The following ALS2 variants were observed in gnomAD, a reference collection of about 807,000 sequenced individuals.
ALS2 encodes the protein alsin.
In ALS2, 117 loss-of-function variants were observed where a neutral mutation model predicts 203.4. The observed-to-expected ratio is 0.58, with a 90% CI of 0.50 to 0.67. The LOEUF is 0.67. Ranked by LOEUF, ALS2 falls within the 30% of genes least tolerant of loss-of-function variation. The pLI, the probability that ALS2 is intolerant of heterozygous loss-of-function variation, is 0.00. For synonymous variants in ALS2, 718 were observed against 725.9 expected (o/e 0.99, Z 0.17); for missense variants, 1,715 against 1,989.4 (o/e 0.86, Z 2.62).
At position 201,704,534 on chromosome 2, in the gene ALS2, G is replaced by A; in HGVS notation, c.4758C>T (p.Val1586=). 1 of 1,614,116 alleles carries A rather than the reference G, an allele frequency of 6.2e-7. No individual in the cohort carries two copies. The part of the protein sequence containing the change: ...QQTFEEISQS[V]LASLHEDFLW... ...AGAAGTCTTCGTGGAGTGACGCCAGGACACTCTGAGAGATCTCCTCAAAAG... is the reference window on the plus strand; with the variant it reads ...AGAAGTCTTCGTGGAGTGACGCCAGAACACTCTGAGAGATCTCCTCAAAAG... Residue 1586 remains valine, a synonymous_variant, in exon 32 of 34, where the codon GTC becomes GTT. Coordinates refer to ENST00000264276, the MANE Select transcript of ALS2 (RefSeq NM_020919.4).
intron 8 of ALS2, among the ~76,000 whole-genome samples, chr2:201,747,462 CT>C (rs35304479): frequency 0.45 from 60,368 of 133,562 alleles, 14,556 homozygotes; most frequent in Admixed American, 0.56. Flanking sequence ...CACTCGGTCG[CT>C]TTTTTTTTTT....
chr2:201,730,473 A>G (rs1038208012), intron 13 of ALS2, among the ~76,000 whole-genome samples: 2 of 152,224 alleles, frequency 1.3e-5, no homozygotes, highest in Non-Finnish European at 2.9e-5. Flanking sequence ...CATCTCTAAC[A>G]TTCTAATTTT....
At chr2:201,716,841 TAA>T (rs1256149311) in intron 24 of ALS2, 2 of 152,254 alleles carry the variant, frequency 1.3e-5, no homozygotes, top group East Asian at 3.9e-4. Context: ...TACTGGGTTC[TAA>T]AAGACTCTAA....
chr2:201,754,630 T>C lies in ALS2; in HGVS notation c.1513A>G (p.Arg505Gly). The stretch of plus-strand genomic sequence containing the variant: ...TATGTGGGGGTCAGAACCACTGTCC[T>C]CGTTTTCACCCGTGCAGCCTTTCTT... ...LLRKAARVKT[R>G]TVVLTPTYSG... The change falls in exon 6 of 34, where the codon AGG becomes GGG. Residue 505 changes from arginine to glycine, a missense_variant. This residue lies in a region of ALS2 where 1,227 missense variants were observed against 1,413.5 expected (regional missense o/e 0.87). Transcript: ENST00000264276. 2.5e-6 allele frequency: 4 copies of C among 1,614,166 alleles called. No individual in the cohort carries two copies. The highest frequency in any genetic ancestry group is 3.4e-6 in the Non-Finnish European group (4 of 1,180,022).
chr2:201,778,578 T>C (rs986140393), intron 1 of ALS2: 4 of 152,230 alleles, frequency 2.6e-5, no homozygotes, highest in Admixed American at 2.0e-4. Context: ...CCAGAGATTG[T>C]TGCTATTTTA....
intron 5 of ALS2, among the ~76,000 whole-genome samples, chr2:201,756,725 A>G (rs1305360108): frequency 6.6e-6 from 1 of 152,242 alleles, no homozygotes; most frequent in Non-Finnish European, 1.5e-5. Context: ...AGTCTGCCAA[A>G]TCCTGGTCTC....
chr2:201,777,595 T>G (rs1328471775), intron 1 of ALS2, among the ~76,000 whole-genome samples: 1 of 152,184 alleles, frequency 6.6e-6, no homozygotes, highest in Non-Finnish European at 1.5e-5. Flanking sequence ...TATTTTCATA[T>G]TGGCTTCAGC....
chr2:201,724,137 G>C (rs896320418), intron 21 of ALS2, among the ~76,000 whole-genome samples, 158 bp downstream of exon 21: 2 of 151,766 alleles, frequency 1.3e-5, no homozygotes, highest in African/African-American at 2.4e-5. Flanking sequence ...TAAATAAAAG[G>C]GTTTGTCATA....
At chr2:201,702,009 C>T in intron 33 of ALS2, 120 bp from the exon 34 acceptor site, 2 of 852,334 alleles carry the variant, frequency 2.3e-6, no homozygotes, top group Non-Finnish European at 3.9e-6. Flanking sequence ...GATGGCCCAA[C>T]AGATTTAATT....
At chr2:201,775,230 C>A (rs1483317054) in intron 1 of ALS2, among the ~76,000 whole-genome samples, 1 of 152,164 alleles carries the variant, frequency 6.6e-6, no homozygotes, top group East Asian at 1.9e-4. Context: ...CCATAGATTT[C>A]ATGTAGCCAT....
chr2:201,717,101 A>G (rs1412411742), intron 24 of ALS2, among the ~76,000 whole-genome samples: 2 of 151,962 alleles, frequency 1.3e-5, no homozygotes, highest in African/African-American at 4.8e-5. Flanking sequence ...TTACTATTCC[A>G]CTTGGGGTGT....
chr2:201,779,131 T>C (rs1181755064), intron 1 of ALS2, among the ~76,000 whole-genome samples: 2 of 152,204 alleles, frequency 1.3e-5, no homozygotes, highest in Non-Finnish European at 2.9e-5. Context: ...ACAGTCAAAG[T>C]GCCCAAAGTA....
intron 23 of ALS2, among the ~76,000 whole-genome samples, chr2:201,718,748 T>C (rs765888447): frequency 6.6e-6 from 1 of 152,166 alleles, no homozygotes; most frequent in African/African-American, 2.4e-5. Context: ...CAAAAATATT[T>C]TGAACTGTAT....
chr2:201,759,648 T>C, intron 4 of ALS2: 1 of 985,064 alleles, frequency 1.0e-6, no homozygotes, highest in Non-Finnish European at 1.2e-6. Context: ...TCCAAACAGC[T>C]TATCCTTGAT....
rs75595010 is a variant in ALS2 at position 201,726,053 on chromosome 2, A to G, written c.3248+431T>C. ...AAAGTCATTAGAGCATCATTGAGATAATATAGCACTTGGAAAATTTCTCCT... is the reference window on the plus strand; with the variant it reads ...AAAGTCATTAGAGCATCATTGAGATGATATAGCACTTGGAAAATTTCTCCT... On this transcript the variant is annotated intron_variant, in intron 19 of 33. Coordinates refer to ENST00000264276, the MANE Select transcript of ALS2 (RefSeq NM_020919.4). 6.6e-5 allele frequency among the ~76,000 whole-genome samples: 10 copies of G among 152,372 alleles called. No homozygotes were observed. In the East Asian group the frequency reaches 1.9e-3, roughly 29 times the overall value.
At chr2:201,736,959 T>A (rs920940910) in intron 12 of ALS2, among the ~76,000 whole-genome samples, 2 of 152,156 alleles carry the variant, frequency 1.3e-5, no homozygotes, top group Non-Finnish European at 2.9e-5. Context: ...ACCTAGATTA[T>A]TTTTACAGAT....
chr2:201,733,944 G>A (rs1691726474), intron 12 of ALS2, among the ~76,000 whole-genome samples: 7 of 151,936 alleles, frequency 4.6e-5, no homozygotes, highest in Admixed American at 4.6e-4. Context: ...GTTTATTATA[G>A]GAAAGTAATA....
At chr2:201,732,399 CAAAAAAAAAAA>C (rs11288102) in intron 13 of ALS2, among the ~76,000 whole-genome samples, 1 of 85,152 alleles carries the variant, frequency 1.2e-5, no homozygotes, top group Admixed American at 1.3e-4. Context: ...ACTAAAAATA[CAAAAAAAAAAA>C]AAAAAAAAAG....
chr2:201,775,966 C>G (rs1413401321), intron 1 of ALS2, among the ~76,000 whole-genome samples: 2 of 152,174 alleles, frequency 1.3e-5, no homozygotes, highest in Middle Eastern at 3.2e-3. Context: ...TCTGAACAAG[C>G]TGGTTACATT....
Sources: allele counts gnomAD v4.1 joint callset (sites outside exome capture counted in the v4.1 genomes callset), GRCh38; gene constraint gnomAD v4.1.1; regional missense constraint gnomAD v4.1.1; transcripts MANE v1.5; gene names NCBI Gene and HGNC (gene_info 2026-07-23, HGNC 2026-07-21).